Variants in AGBL1 observed in about 807,000 individuals in gnomAD.
AGBL1 encodes the protein AGBL carboxypeptidase 1.
AGBL1 carries 130 observed loss-of-function variants against 118.9 expected under a neutral mutation model. That is an observed-to-expected ratio of 1.09 (90% CI 0.95 to 1.26). The LOEUF (loss-of-function observed/expected upper bound fraction) is 1.26, where lower values mean the gene tolerates loss of function less well. Ranked by LOEUF, AGBL1 falls within the 50% of genes most tolerant of loss-of-function variation. The probability of loss-of-function intolerance (pLI) is 0.00; values close to 1 mark genes in which losing one functional copy is unlikely to be tolerated. For synonymous variants in AGBL1, 555 were observed against 478.9 expected, an observed-to-expected ratio of 1.16 and a Z score of -2.08; for missense variants, 1,584 against 1,298.1, an observed-to-expected ratio of 1.22 and a Z score of -3.38.
At chr15:86,823,957 A>G (rs1473407873) in intron 22 of AGBL1, among the ~76,000 whole-genome samples, 2 of 152,168 alleles carry the variant, frequency 1.3e-5, no homozygotes, top group Non-Finnish European at 2.9e-5. Flanking sequence ...CAAAAAAAGC[A>G]TATGAATAAT....
chr15:86,392,475 C>G (rs2081302783), intron 17 of AGBL1, among the ~76,000 whole-genome samples: 1 of 152,116 alleles, frequency 6.6e-6, no homozygotes, highest in South Asian at 2.1e-4. Flanking sequence ...TCCTACCAGA[C>G]TGTTATTAGT....
chr15:87,029,550 G>A (rs1395013431), downstream of AGBL1, among the ~76,000 whole-genome samples: 1 of 151,770 alleles, frequency 6.6e-6, no homozygotes, highest in Non-Finnish European at 1.5e-5. Flanking sequence ...CCCTTCATTG[G>A]TACTTATGTA....
At chr15:86,923,652 T>G (rs544778540) in intron 23 of AGBL1, among the ~76,000 whole-genome samples, 3 of 152,368 alleles carry the variant, frequency 2.0e-5, no homozygotes, top group African/African-American at 7.2e-5. Flanking sequence ...CTGTCATATC[T>G]CTGCAAGTAC....
intron 17 of AGBL1, among the ~76,000 whole-genome samples, chr15:86,355,909 C>G (rs2080707167): frequency 6.6e-6 from 1 of 152,146 alleles, no homozygotes; most frequent in Non-Finnish European, 1.5e-5. Context: ...TCATTCTTTG[C>G]AAACATCCTG....
intron 24 of AGBL1, among the ~76,000 whole-genome samples, chr15:86,994,991 T>A (rs2081367425): frequency 6.6e-6 from 1 of 152,212 alleles, no homozygotes; most frequent in East Asian, 1.9e-4. Flanking sequence ...CTGAGCTGAC[T>A]TTATGTTTTT....
rs905914049 is a variant in AGBL1 at position 86,910,543 on chromosome 15, A to G, written c.*3249A>G. 6.6e-6 allele frequency: 1 copy of G among 152,178 alleles called. No individual in the cohort carries two copies. The highest frequency in any genetic ancestry group is 2.4e-5 in the African/African-American group (1 of 41,446). 9.4% of individuals were successfully genotyped at this position (152,178 alleles called of 1,614,324 possible). A position where few individuals can be genotyped will look rare whatever the true frequency, so the allele number is the denominator to read the frequency against. ...TGGCTGAGGGTTTGGTGCTCCTGCT[A>G]TGCTGGTTGTTCAGTAGTTTGAGGA... is the stretch of plus-strand genomic sequence containing the variant. On this transcript the variant is annotated 3_prime_UTR_variant, in exon 23 of 23. Coordinates refer to ENST00000614907, the MANE Select transcript of AGBL1 (RefSeq NM_001386094.1).
intron 23 of AGBL1, among the ~76,000 whole-genome samples, chr15:86,928,900 T>C (rs924962957): frequency 1.3e-5 from 2 of 152,156 alleles, no homozygotes; most frequent in African/African-American, 4.8e-5. Flanking sequence ...TGGTAAAATA[T>C]GCATAACATT....
At chr15:86,571,404 G>C (rs1033354387) in intron 21 of AGBL1, among the ~76,000 whole-genome samples, 3 of 152,144 alleles carry the variant, frequency 2.0e-5, no homozygotes, top group African/African-American at 7.2e-5. Context: ...GAAGAGGAGC[G>C]TTATTGAGCA....
At chr15:86,236,942 C>CGG (rs1261702473) in intron 6 of AGBL1, among the ~76,000 whole-genome samples, 1 of 43,022 alleles carries the variant, frequency 2.3e-5, no homozygotes, top group African/African-American at 2.1e-4. Flanking sequence ...CGGGGGGGGG[C>CGG]GGGGGGGGGC....
intron 18 of AGBL1, among the ~76,000 whole-genome samples, chr15:86,507,588 T>G (rs530166124): frequency 6.6e-6 from 1 of 152,014 alleles, no homozygotes; most frequent in Admixed American, 6.6e-5. Context: ...TAAAATAATG[T>G]AGGTTGGAAA....
At chr15:86,482,343 CCAGA>C (rs2082662656) in intron 18 of AGBL1, among the ~76,000 whole-genome samples, 1 of 152,108 alleles carries the variant, frequency 6.6e-6, no homozygotes, top group African/African-American at 2.4e-5. Context: ...TGACTCTTGC[CCAGA>C]GCATGGAGAT....
intron 22 of AGBL1, among the ~76,000 whole-genome samples, chr15:86,900,724 A>C (rs567607394): frequency 1.0e-3 from 152 of 152,064 alleles, no homozygotes; most frequent in Middle Eastern, 3.4e-3. Flanking sequence ...TATACAAAAT[A>C]AATATCTCTG....
chr15:86,935,784 G>C (rs1685354559), intron 23 of AGBL1, among the ~76,000 whole-genome samples: 1 of 152,198 alleles, frequency 6.6e-6, no homozygotes, highest in South Asian at 2.1e-4. Context: ...GGAAAACAGG[G>C]GAACTCAAGG....
chr15:86,867,593 G>A (rs1191185151), intron 22 of AGBL1, among the ~76,000 whole-genome samples: 1 of 152,132 alleles, frequency 6.6e-6, no homozygotes, highest in East Asian at 1.9e-4. Context: ...ATAGAAACAT[G>A]TCATGTGAGT....
At chr15:86,183,363 T>C (rs1348533) in intron 5 of AGBL1, among the ~76,000 whole-genome samples, 125,061 of 152,134 alleles carry the variant, frequency 0.82, 51,722 homozygotes, top group African/African-American at 0.9. Context: ...GTAAAAGGTA[T>C]TCAATCCAAT....
At chr15:86,147,238 C>A (rs545294586) in intron 3 of AGBL1, among the ~76,000 whole-genome samples, 2 of 152,182 alleles carry the variant, frequency 1.3e-5, no homozygotes, top group African/African-American at 2.4e-5. Context: ...ACTGAGGTAC[C>A]GGGTTCATCT....
intron 18 of AGBL1, among the ~76,000 whole-genome samples, chr15:86,497,485 C>T (rs1049239722): frequency 2.0e-5 from 3 of 151,872 alleles, no homozygotes; most frequent in Non-Finnish European, 2.9e-5. Flanking sequence ...GTGGCTTTTC[C>T]GTTTGATAAT....
Position 86,674,274 on chromosome 15 carries a change from G to A in AGBL1, c.2996G>A (p.Gly999Asp). 6.2e-7 allele frequency: 1 copy of A among 1,609,344 alleles called. No homozygotes were observed. The highest frequency in any genetic ancestry group is 8.5e-7 in the Non-Finnish European group (1 of 1,177,416). ...GTTAATGCTTTGTTTAACTGGCAGG[G>A]TCTACAGTTTGGTACCAGAGAACTG... is the stretch of plus-strand genomic sequence containing the variant. ...YCGCNQGPYQ[G>D]LQFGTRELEE... is the part of the protein sequence containing the mutation. The change falls in exon 22 of 23, where the codon GGT (glycine) becomes GAT (aspartate). Residue 999 changes from glycine (G) to aspartate (D), a missense_variant and splice_region_variant. By Grantham distance (94) the Gly-to-Asp change is moderately conservative (BLOSUM62 -1). Transcript: ENST00000614907.
chr15:86,892,489 A>AATT (rs1319415021), intron 22 of AGBL1, among the ~76,000 whole-genome samples: 1 of 152,162 alleles, frequency 6.6e-6, no homozygotes, highest in East Asian at 1.9e-4. Flanking sequence ...GGTCTTATCT[A>AATT]ATTATCACAC....
Sources: gnomAD v4.1 joint callset for allele counts (sites outside exome capture counted in the v4.1 genomes callset) on GRCh38, gnomAD v4.1.1 for gene constraint, MANE v1.5 for transcripts, NCBI Gene and HGNC (gene_info 2026-07-23, HGNC 2026-07-21) for gene names.